The following LRRTM4 variants were observed in gnomAD, a reference collection of about 807,000 sequenced individuals.
LRRTM4 encodes the protein leucine-rich repeat transmembrane neuronal protein 4.
A neutral mutation model predicts 47.6 loss-of-function variants in LRRTM4; 25 were observed. The ratio of observed to expected loss-of-function variants is 0.53; its 90% CI spans 0.38 to 0.73. LRRTM4 has a LOEUF of 0.73. Ranked by LOEUF, LRRTM4 falls within the 30% of genes least tolerant of loss-of-function variation. LRRTM4 has a pLI of 0.00. For synonymous variants in LRRTM4, 311 were observed against 269.5 expected, an observed-to-expected ratio of 1.15 and a Z score of -1.51; for missense variants, 638 against 713.4, an observed-to-expected ratio of 0.89 and a Z score of 1.20.
intron 3 of LRRTM4, among the ~76,000 whole-genome samples, chr2:76,900,911 T>A (rs1673603529): frequency 6.6e-6 from 1 of 152,202 alleles, no homozygotes; most frequent in Admixed American, 6.5e-5. Context: ...AAATTTAGAA[T>A]TTTGAAAGAC....
intron 3 of LRRTM4, among the ~76,000 whole-genome samples, chr2:77,055,098 C>G (rs1679558576): frequency 6.6e-6 from 1 of 152,132 alleles, no homozygotes; most frequent in Non-Finnish European, 1.5e-5. Context: ...AGGATACTGA[C>G]TCCGCTACTT....
At chr2:77,480,822 G>GGAGAGAGA (rs67377276) in intron 3 of LRRTM4, among the ~76,000 whole-genome samples, 2,341 of 74,292 alleles carry the variant, frequency 0.032, 115 homozygotes, top group Non-Finnish European at 0.042. Flanking sequence ...GTGTGTGTGT[G>GGAGAGAGA]GAGAGAGAGA....
intron 3 of LRRTM4, among the ~76,000 whole-genome samples, chr2:76,781,426 C>G (rs900213975): frequency 1.5e-4 from 23 of 152,214 alleles, no homozygotes; most frequent in African/African-American, 5.3e-4. Flanking sequence ...GTAGGACCCT[C>G]CGAGCCAGGT....
intron 3 of LRRTM4, among the ~76,000 whole-genome samples, chr2:77,508,209 AT>A (rs955612175): frequency 2.6e-5 from 4 of 152,166 alleles, no homozygotes; most frequent in Non-Finnish European, 4.4e-5. Context: ...AGCGAGATCT[AT>A]AACTATTTTC....
At chr2:77,521,208 G>T (rs1679479331) in intron 2 of LRRTM4, among the ~76,000 whole-genome samples, 1 of 151,916 alleles carries the variant, frequency 6.6e-6, no homozygotes, top group African/African-American at 2.4e-5. Flanking sequence ...TTCGGAAGCT[G>T]TGTTCAGGAT....
In LRRTM4 at chr2:76,963,933, G is replaced by A. The variant is rs529683875; in HGVS notation, c.1552-215017C>T. Among the ~76,000 whole-genome samples, 8 of 150,412 alleles carry A rather than the reference G, an allele frequency of 5.3e-5. No homozygotes were observed. The South Asian group carries it at 1.0e-3, about 20-fold the overall frequency. ...TCTGAAAGTATATTACACAAAACATGTCATTAATATTTTAATAATGAATAT... is the reference window on the plus strand; with the variant it reads ...TCTGAAAGTATATTACACAAAACATATCATTAATATTTTAATAATGAATAT... On this transcript the variant is annotated intron_variant, in intron 3 of 3. Coordinates refer to ENST00000409884, the MANE Select transcript of LRRTM4 (RefSeq NM_001134745.3).
chr2:77,294,674 T>C (rs1676922395), intron 3 of LRRTM4, among the ~76,000 whole-genome samples: 1 of 152,172 alleles, frequency 6.6e-6, no homozygotes, highest in African/African-American at 2.4e-5. Flanking sequence ...GGCTCCCTGC[T>C]GCTTAGATTT....
chr2:77,221,035 A>G (rs2103947564), intron 3 of LRRTM4, among the ~76,000 whole-genome samples: 1 of 152,322 alleles, frequency 6.6e-6, no homozygotes, highest in Admixed American at 6.5e-5. Context: ...GCCAGAAGAG[A>G]GTGGGGGCCA....
At chr2:77,466,154 G>C (rs1047987383) in intron 3 of LRRTM4, among the ~76,000 whole-genome samples, 2 of 152,006 alleles carry the variant, frequency 1.3e-5, no homozygotes, top group African/African-American at 4.8e-5. Context: ...ATCAGTTCTC[G>C]GCAGAGTTTC....
intron 3 of LRRTM4, among the ~76,000 whole-genome samples, chr2:76,781,694 A>G (rs1030111249): frequency 6.6e-6 from 1 of 152,228 alleles, no homozygotes; most frequent in African/African-American, 2.4e-5. Context: ...TCAGATGGAA[A>G]TGCAGAAATC....
chr2:77,378,826 T>C (rs1672939693), intron 3 of LRRTM4, among the ~76,000 whole-genome samples: 1 of 152,126 alleles, frequency 6.6e-6, no homozygotes, highest in African/African-American at 2.4e-5. Context: ...TGGTAAATAT[T>C]GAGCAAATGA....
chr2:77,487,986 C>T (rs576874369), intron 3 of LRRTM4, among the ~76,000 whole-genome samples: 6 of 152,218 alleles, frequency 3.9e-5, no homozygotes, highest in East Asian at 1.9e-4. Context: ...CCTGGACTTG[C>T]GACAAGAACT....
chr2:77,250,199 A>G (rs1189196724), intron 3 of LRRTM4, among the ~76,000 whole-genome samples: 2 of 152,166 alleles, frequency 1.3e-5, no homozygotes, highest in African/African-American at 4.8e-5. Flanking sequence ...TGCACAGAAG[A>G]TGTGTAGGGC....
chr2:76,940,591 C>T (rs112964578), intron 3 of LRRTM4, among the ~76,000 whole-genome samples: 7,751 of 152,168 alleles, frequency 0.051, 620 homozygotes, highest in African/African-American at 0.16. Context: ...CCCCATGACA[C>T]GAGTTTACCT....
At chr2:77,427,065 G>A (rs1280450458) in intron 3 of LRRTM4, among the ~76,000 whole-genome samples, 5 of 147,404 alleles carry the variant, frequency 3.4e-5, no homozygotes, top group Non-Finnish European at 3.0e-5. Flanking sequence ...TGCAACCTCC[G>A]CCTCCTGGGT....
intron 3 of LRRTM4, among the ~76,000 whole-genome samples, chr2:76,790,699 A>G (rs367600551): frequency 1.4e-5 from 2 of 145,832 alleles, no homozygotes; most frequent in East Asian, 4.2e-4. Flanking sequence ...AATTGGATAG[A>G]CCCCCCCCCA....
chr2:76,798,849 A>G (rs1675504203), intron 3 of LRRTM4, among the ~76,000 whole-genome samples: 1 of 152,218 alleles, frequency 6.6e-6, no homozygotes, highest in Non-Finnish European at 1.5e-5. Flanking sequence ...TAGAAAATCT[A>G]CAAGAAATGG....
chr2:77,125,418 G>C (rs544915401), intron 3 of LRRTM4, among the ~76,000 whole-genome samples: 6 of 152,298 alleles, frequency 3.9e-5, no homozygotes, highest in African/African-American at 1.2e-4. Context: ...TGTCATTGGA[G>C]TGTGTGAAGA....
chr2:77,159,225 C>G (rs1446059605), intron 3 of LRRTM4, among the ~76,000 whole-genome samples: 1 of 152,062 alleles, frequency 6.6e-6, no homozygotes, highest in Non-Finnish European at 1.5e-5. Flanking sequence ...TTTTGACTTC[C>G]CAAAAACATA....
Sources: gnomAD v4.1 joint callset for allele counts (sites outside exome capture counted in the v4.1 genomes callset) on GRCh38, gnomAD v4.1.1 for gene constraint, MANE v1.5 for transcripts, NCBI Gene and HGNC (gene_info 2026-07-23, HGNC 2026-07-21) for gene names.